Variants in ALK observed in about 807,000 individuals in gnomAD.
ALK encodes ALK receptor tyrosine kinase.
Under a neutral mutation model 163.1 loss-of-function variants are expected in ALK, and 74 were observed. The ratio of observed to expected loss-of-function variants is 0.45; its 90% confidence interval spans 0.38 to 0.55. The LOEUF is 0.55. Ranked by LOEUF, ALK falls within the 20% of genes least tolerant of loss-of-function variation. The pLI, the probability that ALK is intolerant of heterozygous loss-of-function variation, is 0.00. For missense variants in ALK, 2,063 were observed against 2,105.3 expected (o/e 0.98, Z 0.39); for synonymous variants, 960 against 843.2 (o/e 1.14, Z -2.40).
At chr2:29,216,936 T>TGTGTGTGGG (rs1558619256) in intron 23 of ALK, among the ~76,000 whole-genome samples, 1 of 7,652 alleles carries the variant, frequency 1.3e-4, no homozygotes, top group African/African-American at 1.9e-4. Flanking sequence ...GTGTGGGGGG[T>TGTGTGTGGG]GTGTGTGTGG....
rs1259403244 is a variant in ALK at position 29,263,711 on chromosome 2, G to C, written c.2041+11388C>G. Among the ~76,000 whole-genome samples the C allele has an allele frequency of 3.9e-5, 6 of 152,134 alleles. No individual in the cohort carries two copies. The South Asian group carries it at 6.2e-4, about 16-fold the overall frequency. On this transcript the variant is annotated intron_variant, in intron 11 of 28. Coordinates refer to ENST00000389048, the MANE Select transcript of ALK (RefSeq NM_004304.5). ...TTTTGTCTGCAATGCAGTCATGGTG[G>C]CTGGAGTTGCAGCAGCCATTTTGTA...
At chr2:29,426,355 A>G (rs1422158486) in intron 4 of ALK, among the ~76,000 whole-genome samples, 1 of 152,214 alleles carries the variant, frequency 6.6e-6, no homozygotes, top group Admixed American at 6.5e-5. Flanking sequence ...ACATCCACAC[A>G]CAGACTCATG....
chr2:29,280,722 G>C (rs981475111), intron 9 of ALK, among the ~76,000 whole-genome samples: 1 of 151,528 alleles, frequency 6.6e-6, no homozygotes, highest in Admixed American at 6.6e-5. Context: ...TTGAGGGAAA[G>C]TTCTGGCATG....
At chr2:29,653,352 A>G (rs1455596083) in intron 3 of ALK, among the ~76,000 whole-genome samples, 1 of 152,126 alleles carries the variant, frequency 6.6e-6, no homozygotes, top group African/African-American at 2.4e-5. Context: ...GACTTTCCCC[A>G]ACTCCTTCTC....
chr2:29,202,486 TAGAGAC>T (rs1558610338), intron 26 of ALK, among the ~76,000 whole-genome samples: 1 of 152,262 alleles, frequency 6.6e-6, no homozygotes, highest in Admixed American at 6.5e-5. Flanking sequence ...TATGAAGACT[TAGAGAC>T]AGAAAGACCC....
chr2:29,637,736 G>C (rs1676581423), intron 3 of ALK, among the ~76,000 whole-genome samples: 1 of 137,804 alleles, frequency 7.3e-6, no homozygotes, highest in South Asian at 2.3e-4. Flanking sequence ...GACTCTTTGT[G>C]GTGCTGGGAA....
At position 29,479,879 on chromosome 2, in the gene ALK, G is replaced by A. The variant is rs141003261; in HGVS notation, c.1154+52036C>T. Among the ~76,000 whole-genome samples the A allele has an allele frequency of 8.8e-4, 134 of 152,290 alleles. 1 individual carries two copies. In the East Asian group the frequency reaches 0.017, roughly 20 times the overall value. The stretch of plus-strand genomic sequence containing the variant: ...AAGGATAGGTTCAGACTGGGAAAAG[G>A]ACATGAGAGTCTTGAAATCTGGTAC... On this transcript the variant is annotated intron_variant, in intron 4 of 28. Coordinates refer to ENST00000389048, the MANE Select transcript of ALK (RefSeq NM_004304.5).
At chr2:29,915,829 C>T (rs948188562) in intron 1 of ALK, among the ~76,000 whole-genome samples, 8 of 152,102 alleles carry the variant, frequency 5.3e-5, no homozygotes, top group African/African-American at 1.9e-4. Flanking sequence ...GGTGATTGTG[C>T]CTCCCAAACC....
chr2:29,497,064 A>G (rs1434510715), intron 4 of ALK, among the ~76,000 whole-genome samples: 1 of 152,160 alleles, frequency 6.6e-6, no homozygotes, highest in Non-Finnish European at 1.5e-5. Flanking sequence ...TGAGGTGAGG[A>G]GTTCGAGACC....
At chr2:29,230,368 G>C (rs1244700782) in intron 15 of ALK, among the ~76,000 whole-genome samples, 1 of 151,818 alleles carries the variant, frequency 6.6e-6, no homozygotes. Context: ...AGGAAAGGGT[G>C]GAGGTATTCT....
chr2:29,518,211 C>T (rs116646854), intron 4 of ALK, among the ~76,000 whole-genome samples: 1,698 of 152,308 alleles, frequency 0.011, 35 homozygotes, highest in African/African-American at 0.038. Flanking sequence ...GCAGCTCATA[C>T]TCTTCCCAAA....
intron 8 of ALK, among the ~76,000 whole-genome samples, chr2:29,302,485 T>C (rs1331627385): frequency 6.6e-6 from 1 of 152,154 alleles, no homozygotes; most frequent in Non-Finnish European, 1.5e-5. Flanking sequence ...ATCATTGCAC[T>C]CCAGCCTGGG....
chr2:29,471,820 C>T (rs1671353501), intron 4 of ALK, among the ~76,000 whole-genome samples: 1 of 151,988 alleles, frequency 6.6e-6, no homozygotes. Flanking sequence ...TGGCTAACTG[C>T]AACCTCCACC....
In ALK at chr2:29,320,776, C is replaced by A; in HGVS notation, c.1521G>T (p.Lys507Asn). 6.2e-7 allele frequency: 1 copy of A among 1,614,026 alleles called. No homozygotes were observed. Among genetic ancestry groups the A allele is most frequent in the Non-Finnish European group, 8.5e-7 (1 of 1,179,994 alleles). Residue 507 changes from lysine to asparagine, a missense_variant, in exon 7 of 29, where the codon AAG becomes AAT. Lys to Asn is a moderately conservative substitution (Grantham distance 94). Coordinates refer to ENST00000389048, the MANE Select transcript of ALK (RefSeq NM_004304.5). ...HTPQWQVRTL[K>N]DARFQDHQDH... is the part of the protein sequence containing the mutation. The stretch of plus-strand genomic sequence containing the variant: ...CTTGGTGGTCCTGGAACCGGGCATC[C>A]TTTAGGGTCCTGACCTGCCATTGAG...
chr2:29,891,153 G>C (rs1003959769), intron 1 of ALK, among the ~76,000 whole-genome samples: 1 of 152,206 alleles, frequency 6.6e-6, no homozygotes, highest in East Asian at 1.9e-4. Flanking sequence ...AATTGGAATA[G>C]AGGAAAAAGA....
At chr2:29,399,060 C>T (rs771965247) in intron 4 of ALK, among the ~76,000 whole-genome samples, 7 of 152,138 alleles carry the variant, frequency 4.6e-5, no homozygotes, top group African/African-American at 7.2e-5. Context: ...CAAGTGGTGA[C>T]GGTGGTGCTT....
At chr2:29,643,901 TA>T (rs1676793760) in intron 3 of ALK, among the ~76,000 whole-genome samples, 1 of 152,172 alleles carries the variant, frequency 6.6e-6, no homozygotes, top group East Asian at 1.9e-4. Context: ...TTACTGGGTA[TA>T]TACCTGAGGG....
chr2:29,867,700 A>G (rs1323002412), intron 1 of ALK, among the ~76,000 whole-genome samples: 1 of 152,198 alleles, frequency 6.6e-6, no homozygotes, highest in Non-Finnish European at 1.5e-5. Flanking sequence ...AGATTCATGG[A>G]TTCCAAGCTT....
intron 1 of ALK, among the ~76,000 whole-genome samples, chr2:29,796,311 G>A (rs922294451): frequency 1.3e-5 from 2 of 152,080 alleles, no homozygotes; most frequent in South Asian, 2.1e-4. Flanking sequence ...AATACAGCAC[G>A]GATTTCCTCC....
Sources: gnomAD v4.1 joint callset for allele counts (sites outside exome capture counted in the v4.1 genomes callset) on GRCh38, gnomAD v4.1.1 for gene constraint, MANE v1.5 for transcripts, NCBI Gene and HGNC (gene_info 2026-07-23, HGNC 2026-07-21) for gene names.